The following CDC14B variants were observed in gnomAD, a reference collection of about 807,000 sequenced individuals.
The protein encoded by CDC14B is dual specificity protein phosphatase CDC14B.
CDC14B carries 22 observed loss-of-function variants against 64.2 expected under a neutral mutation model. The ratio of observed to expected loss-of-function variants is 0.34; its 90% confidence interval spans 0.24 to 0.49. CDC14B has a LOEUF of 0.49. CDC14B is among the 20% of genes least tolerant of loss of function. The pLI, the probability that CDC14B is intolerant of heterozygous loss-of-function variation, is 0.99. For synonymous variants in CDC14B, 191 were observed against 215.8 expected (o/e 0.89, Z 1.01); for missense variants, 498 against 629.9 (o/e 0.79, Z 2.24).
At chr9:96,517,508 C>T (rs1220004048) in intron 12 of CDC14B, among the ~76,000 whole-genome samples, 4 of 148,906 alleles carry the variant, frequency 2.7e-5, no homozygotes, top group East Asian at 2.1e-4. Context: ...AAAAATTAGC[C>T]GGGCGTGGTG....
chr9:96,538,798 G>A (rs1839636674), intron 7 of CDC14B: 1 of 275,748 alleles, frequency 3.6e-6, no homozygotes, highest in Non-Finnish European at 6.8e-6. Flanking sequence ...CAAACCATCA[G>A]AGGATAAGTA....
chr9:96,576,016 C>T (rs915931589), intron 1 of CDC14B, among the ~76,000 whole-genome samples: 6 of 152,204 alleles, frequency 3.9e-5, no homozygotes, highest in African/African-American at 1.2e-4. Flanking sequence ...CGGCTCGCGC[C>T]TGTAATCCCA....
rs1196669150 is a variant in CDC14B, at chr9:96,515,305, C to G, written c.1344-5516G>C. 6.6e-6 allele frequency among the ~76,000 whole-genome samples: 1 copy of G among 152,132 alleles called. No homozygotes were observed. The highest frequency in any genetic ancestry group is 6.6e-5 in the Admixed American group (1 of 15,262). On this transcript the variant is annotated intron_variant, in intron 12 of 13. Coordinates refer to ENST00000375241, the MANE Select transcript of CDC14B (RefSeq NM_033331.4). The surrounding 1 kb of genome is among the most constrained non-coding windows in gnomAD (Gnocchi z 4.3). ...AGCCAACTGACGAAAATAAAACCAC[C>G]CCAATTATCCTAAGCTAACTACTTT...
intron 1 of CDC14B, among the ~76,000 whole-genome samples, chr9:96,603,155 G>GACACACAC (rs5899295): frequency 0.023 from 3,169 of 138,078 alleles, 55 homozygotes; most frequent in Middle Eastern, 0.042. Context: ...GATAGAAACG[G>GACACACAC]ACACACACAC....
rs377684716 is a variant in CDC14B at position 96,522,364 on chromosome 9, G to A, written c.1343+142C>T. On this transcript the variant is annotated intron_variant, in intron 12 of 13. Coordinates refer to ENST00000375241, the MANE Select transcript of CDC14B (RefSeq NM_033331.4). Reference sequence around the variant, plus strand: ...AGAGCTTCCAAGGCCAGCACCCCTAGGTTTTAAATAACATAGGCAAGCATT... The same window carrying A: ...AGAGCTTCCAAGGCCAGCACCCCTAAGTTTTAAATAACATAGGCAAGCATT... The A allele has an allele frequency of 3.7e-5, 24 of 650,134 alleles. No individual in the cohort carries two copies. In the African/African-American group the frequency reaches 4.2e-4, roughly 11 times the overall value. 40.3% of individuals were successfully genotyped at this position (650,134 alleles called of 1,614,324 possible).
intron 1 of CDC14B, among the ~76,000 whole-genome samples, chr9:96,585,655 C>G (rs1396957804): frequency 6.6e-6 from 1 of 152,202 alleles, no homozygotes; most frequent in Non-Finnish European, 1.5e-5. Context: ...AGAATTCATA[C>G]ATTGCTAATG....
intron 1 of CDC14B, among the ~76,000 whole-genome samples, chr9:96,592,704 T>C (rs1011998773): frequency 1.3e-5 from 2 of 151,666 alleles, no homozygotes; most frequent in African/African-American, 4.8e-5. Context: ...ACCTGGGAGG[T>C]GGAGGTTGCA....
chr9:96,606,006 CTT>C (rs1040971619), intron 1 of CDC14B, among the ~76,000 whole-genome samples: 1 of 151,828 alleles, frequency 6.6e-6, no homozygotes, highest in African/African-American at 2.4e-5. Flanking sequence ...AACAACAAAA[CTT>C]AATATTTATA....
In CDC14B at chr9:96,502,564, A is replaced by C; in HGVS notation, c.*1189T>G. The C allele has an allele frequency of 2.4e-5, 6 of 251,242 alleles. No individual in the cohort carries two copies. The highest frequency in any genetic ancestry group is 4.4e-5 in the Non-Finnish European group (6 of 135,250). The allele number at this position is 251,242 out of a possible 1,614,324, so 15.6% of individuals were successfully genotyped here. On this transcript the variant is annotated 3_prime_UTR_variant, in exon 14 of 14. Transcript: ENST00000375241. Reference sequence around the variant, plus strand: ...ACTTCTTATGGAAGGAACTGAGGTGAGTACTATATATTCTTTTATTTCGGG... The same window carrying C: ...ACTTCTTATGGAAGGAACTGAGGTGCGTACTATATATTCTTTTATTTCGGG...
intron 1 of CDC14B, among the ~76,000 whole-genome samples, chr9:96,608,086 G>A (rs12340338): frequency 0.15 from 22,594 of 152,252 alleles, 5,627 homozygotes; most frequent in African/African-American, 0.51. Flanking sequence ...GCACCAGGTT[G>A]TACCTTGCCT....
chr9:96,579,054 G>T (rs1281705107), intron 1 of CDC14B, among the ~76,000 whole-genome samples: 1 of 152,048 alleles, frequency 6.6e-6, no homozygotes, highest in African/African-American at 2.4e-5. Context: ...TTGACTTCAG[G>T]TGATCCTCCC....
chr9:96,597,244 G>A lies in CDC14B; in HGVS notation c.160+21975C>T, dbSNP rs150375858. Among the ~76,000 whole-genome samples, 1,096 of 152,102 alleles carry A rather than the reference G, an allele frequency of 7.2e-3. 16 individuals are homozygous for A. The highest frequency in any genetic ancestry group is 0.025 in the African/African-American group (1,034 of 41,510). ...CGCAGTGGCTCACGCCTGTAATCCC[G>A]GTACTTTGGGAGGCCGAGGCAGGTG... On this transcript the variant is annotated intron_variant, in intron 1 of 13. Transcript: ENST00000375241.
At chr9:96,570,468 C>T (rs1844402277) in intron 1 of CDC14B, among the ~76,000 whole-genome samples, 1 of 152,180 alleles carries the variant, frequency 6.6e-6, no homozygotes, top group Admixed American at 6.5e-5. Flanking sequence ...GGGAAGTCAA[C>T]CTCTGCTGAG....
At chr9:96,612,663 G>A (rs555528718) in intron 1 of CDC14B, among the ~76,000 whole-genome samples, 3 of 152,180 alleles carry the variant, frequency 2.0e-5, no homozygotes, top group South Asian at 4.1e-4. Context: ...GATTTCAACC[G>A]CAATATGCGA....
At chr9:96,606,006 CTTAATA>C (rs1225560384) in intron 1 of CDC14B, among the ~76,000 whole-genome samples, 1 of 151,828 alleles carries the variant, frequency 6.6e-6, no homozygotes. Flanking sequence ...AACAACAAAA[CTTAATA>C]TTTATATTCA....
intron 7 of CDC14B, among the ~76,000 whole-genome samples, chr9:96,537,317 A>C (rs1160332881): frequency 6.6e-6 from 1 of 152,152 alleles, no homozygotes. Context: ...AATAAAATAA[A>C]ATAAAACTGT....
chr9:96,525,459 G>T (rs1370678291), intron 9 of CDC14B, among the ~76,000 whole-genome samples: 1 of 151,870 alleles, frequency 6.6e-6, no homozygotes, highest in Admixed American at 6.6e-5. Context: ...TATAAGCTCA[G>T]GGAAGGCCTG....
At chr9:96,498,219 G>A (rs939832340), downstream of CDC14B, among the ~76,000 whole-genome samples, 4 of 152,130 alleles carry the variant, frequency 2.6e-5, no homozygotes, top group Admixed American at 6.6e-5. Context: ...AGGGGGAGAC[G>A]GCAAAGTTGA....
chr9:96,513,173 A>C (rs1012389562), intron 12 of CDC14B, among the ~76,000 whole-genome samples: 2 of 152,196 alleles, frequency 1.3e-5, no homozygotes, highest in Non-Finnish European at 2.9e-5. Context: ...ATAGCTAGTA[A>C]TTTCTGTGGA....
Sources: gnomAD v4.1 joint callset for allele counts (sites outside exome capture counted in the v4.1 genomes callset) on GRCh38, gnomAD v4.1.1 for gene constraint, Gnocchi (gnomAD v3.1) non-coding constraint, MANE v1.5 for transcripts, NCBI Gene and HGNC (gene_info 2026-07-23, HGNC 2026-07-21) for gene names.